AK1: variants seen among roughly 807,000 people sequenced by gnomAD.
AK1 encodes the protein adenylate kinase 1.
AK1 carries 13 observed loss-of-function variants against 23.9 expected under a neutral mutation model. That is an observed-to-expected ratio of 0.54 (90% confidence interval 0.35 to 0.86). The LOEUF is 0.86. AK1 is among the 40% of genes least tolerant of loss of function. AK1 has a pLI of 0.01. For synonymous variants in AK1, 97 were observed against 102.8 expected, an observed-to-expected ratio of 0.94 and a Z score of 0.34; for missense variants, 214 against 255.1, an observed-to-expected ratio of 0.84 and a Z score of 1.10.
chr9:127,874,182 C>G, intron 2 of AK1: 4 of 985,348 alleles, frequency 4.1e-6, no homozygotes, highest in Non-Finnish European at 4.8e-6. Context: ...GCCCGTGTCT[C>G]CCTCTAAGTC....
intron 2 of AK1, 91 bp from the exon 3 acceptor site, chr9:127,873,152 A>T: frequency 6.4e-7 from 1 of 1,561,512 alleles, no homozygotes. Flanking sequence ...GCTGGGCCCC[A>T]GGCGGAGGGA....
intron 5 of AK1, chr9:127,869,504 G>C (rs1030960759): frequency 6.6e-6 from 1 of 152,346 alleles, no homozygotes; most frequent in African/African-American, 2.4e-5. Flanking sequence ...CCTGACCTCC[G>C]GCGTCAGACT....
rs200084584 is a variant in AK1 at position 127,872,344 on chromosome 9, G to GA, written c.207+345_207+346insT. ...GTGGGGCTTCTGGAGTAGAAAATTGGGGGGGGAGGTCTTAGGCCAAATCTG... is the reference window on the plus strand; with the variant it reads ...GTGGGGCTTCTGGAGTAGAAAATTGGAGGGGGGAGGTCTTAGGCCAAATCTG... On this transcript the variant is annotated intron_variant, in intron 4 of 6. Transcript: ENST00000644144. Among the ~76,000 whole-genome samples, 1,077 of 152,190 alleles carry GA rather than the reference G, an allele frequency of 7.1e-3. 14 individuals are homozygous for GA. Among genetic ancestry groups the GA allele is most frequent in the African/African-American group, 0.025 (1,041 of 41,504 alleles).
chr9:127,873,918 G>C (rs552598497), intron 2 of AK1: 1 of 985,422 alleles, frequency 1.0e-6, no homozygotes, highest in African/African-American at 1.7e-5. Context: ...GGCTCCCAGG[G>C]GCCCTCCCAG....
rs959016141 is a variant in AK1, at chr9:127,873,462, C to T, written c.8-401G>A. On this transcript the variant is annotated intron_variant, in intron 2 of 6. Coordinates refer to ENST00000644144, the MANE Select transcript of AK1 (RefSeq NM_000476.3). The stretch of plus-strand genomic sequence containing the variant: ...GCAGCAGCCCATGGTCCCGTCCTGC[C>T]GTGTCTCCTGTGCACCCTGCCCTTC... The T allele has an allele frequency of 8.6e-6, 13 of 1,509,864 alleles. No individual in the cohort carries two copies. In the Admixed American group the frequency reaches 9.1e-5, roughly 11 times the overall value. The allele number at this position is 1,509,864 out of a possible 1,614,324, so 93.5% of individuals were successfully genotyped here. A position where few individuals can be genotyped will look rare whatever the true frequency, so the allele number is the denominator to read the frequency against.
At chr9:127,873,796 G>A (rs943378916) in intron 2 of AK1, 5 of 985,424 alleles carry the variant, frequency 5.1e-6, no homozygotes, top group Non-Finnish European at 6.0e-6. Flanking sequence ...AGGCTCCCCC[G>A]CTTCCCAGGG....
upstream of AK1, chr9:127,879,394 G>A (rs1829599484): frequency 6.6e-6 from 1 of 151,960 alleles, no homozygotes; most frequent in South Asian, 2.1e-4. Flanking sequence ...GGAGCCTGAG[G>A]CGGGTAGATC....
In AK1 at chr9:127,873,523, C is replaced by T. The variant is rs574789065; in HGVS notation, c.8-462G>A. ...CCCTGGGCCGGCCCATCACCCGCCT[C>T]CCCCGGCAGTGGGGGCTTAGCAACC... On this transcript the variant is annotated intron_variant, in intron 2 of 6. Transcript: ENST00000644144. 45 of 1,442,628 alleles carry T rather than the reference C, an allele frequency of 3.1e-5. No homozygotes were observed. In the East Asian group the frequency reaches 1.1e-3, roughly 35 times the overall value. The allele number at this position is 1,442,628 out of a possible 1,614,324, so 89.4% of individuals were successfully genotyped here. A position where few individuals can be genotyped will look rare whatever the true frequency, so the allele number is the denominator to read the frequency against.
At chr9:127,870,515 AT>A (rs140492623) in intron 5 of AK1, among the ~76,000 whole-genome samples, 3,268 of 151,826 alleles carry the variant, frequency 0.022, 123 homozygotes, top group African/African-American at 0.073. Context: ...CATTAACTCT[AT>A]TTTCTAGATG....
At position 127,871,484 on chromosome 9, in the gene AK1, G is replaced by C. The variant is rs527306893; in HGVS notation, c.324+339C>G. Among the ~76,000 whole-genome samples the C allele has an allele frequency of 6.6e-6, 1 of 151,470 alleles. No homozygotes were observed. Among genetic ancestry groups the C allele is most frequent in the Non-Finnish European group, 1.5e-5 (1 of 68,028 alleles). On this transcript the variant is annotated intron_variant, in intron 5 of 6. Coordinates refer to ENST00000644144, the MANE Select transcript of AK1 (RefSeq NM_000476.3). The surrounding 1 kb of genome is among the most constrained non-coding windows in gnomAD (Gnocchi z 4.4). The stretch of plus-strand genomic sequence containing the variant: ...GCACATCCTCTCCAGTCCCCACACT[G>C]TCCCTTAAGGCAGCTGTGACCTGGT...
intron 1 of AK1, among the ~76,000 whole-genome samples, chr9:127,876,948 C>T (rs1829553869): frequency 6.6e-6 from 1 of 152,248 alleles, no homozygotes; most frequent in Admixed American, 6.5e-5. Flanking sequence ...CCAGGTCTCC[C>T]AGCTTCTGAC....
chr9:127,869,423 C>T (rs3780662), intron 5 of AK1: 5,703 of 153,072 alleles, frequency 0.037, 282 homozygotes, highest in African/African-American at 0.11. Context: ...CAGGCTGTTT[C>T]GTGCCTCTGT....
intron 1 of AK1, among the ~76,000 whole-genome samples, chr9:127,876,615 A>G (rs1230872866): frequency 6.6e-6 from 1 of 152,176 alleles, no homozygotes; most frequent in Non-Finnish European, 1.5e-5. Context: ...GTCCTGGGCC[A>G]GGGACAACCA....
At chr9:127,874,232 G>A (rs956692884) in intron 2 of AK1, 15 of 985,268 alleles carry the variant, frequency 1.5e-5, no homozygotes, top group African/African-American at 3.5e-5. Flanking sequence ...ACTTCCTCAA[G>A]GCCCACCCTC....
chr9:127,867,954 G>A lies in AK1; in HGVS notation c.*54C>T, dbSNP rs4226. 4.4e-6 allele frequency: 7 copies of A among 1,579,950 alleles called. No homozygotes were observed. Among genetic ancestry groups the A allele is most frequent in the African/African-American group, 1.3e-5 (1 of 74,126 alleles). ...GCTGCGCTCAGGCCAGGAGGACCTC[G>A]AATCAGGACGGGGTGGGGCGGGGCT... On this transcript the variant is annotated 3_prime_UTR_variant, in exon 7 of 7. Coordinates refer to ENST00000644144, the MANE Select transcript of AK1 (RefSeq NM_000476.3).
At position 127,868,962 on chromosome 9, in the gene AK1, A is replaced by G. The variant is rs1169418979; in HGVS notation, c.325-450T>C. Among the ~76,000 whole-genome samples, 1 of 152,150 alleles carries G rather than the reference A, an allele frequency of 6.6e-6. No individual in the cohort carries two copies. Among genetic ancestry groups the G allele is most frequent in the African/African-American group, 2.4e-5 (1 of 41,428 alleles). On this transcript the variant is annotated intron_variant, in intron 5 of 6. Coordinates refer to ENST00000644144, the MANE Select transcript of AK1 (RefSeq NM_000476.3). The surrounding 1 kb of genome is among the most constrained non-coding windows in gnomAD (Gnocchi z 4.1). ...CCCCCCAGTACTCCCCGCCTCCTGG[A>G]ACAGGCTCTTCCAGCGCCTTTATCT...
At chr9:127,877,702 A>G (rs1019873842), upstream of AK1, 9 of 152,420 alleles carry the variant, frequency 5.9e-5, no homozygotes, top group African/African-American at 1.9e-4. This position sits in a 1 kb window ranked among gnomAD's most constrained non-coding sequence, Gnocchi z 5.2. Flanking sequence ...GCGACTATTT[A>G]TAAGGCTGTC....
Position 127,867,718 on chromosome 9 carries a change from T to G in AK1, c.*290A>C. On this transcript the variant is annotated 3_prime_UTR_variant, in exon 7 of 7. Transcript: ENST00000644144. ...CCTCCCACCAGAGCTAGAGGAGGGG[T>G]GGCTGGCAAAGGGAGGCTGAGGAGG... 3 of 403,322 alleles carry G rather than the reference T, an allele frequency of 7.4e-6. No homozygotes were observed. Among genetic ancestry groups the G allele is most frequent in the Non-Finnish European group, 9.3e-6 (2 of 215,338 alleles). 25.0% of individuals were successfully genotyped at this position (403,322 alleles called of 1,614,324 possible). A position where few individuals can be genotyped will look rare whatever the true frequency, so the allele number is the denominator to read the frequency against.
Position 127,868,310 on chromosome 9 carries a change from G to A in AK1, c.516+11C>T, listed in dbSNP as rs115263629. The A allele has an allele frequency of 3.1e-4, 482 of 1,566,542 alleles. 1 individual carries two copies. In the African/African-American group the frequency reaches 5.3e-3, roughly 17 times the overall value. ...TCTTCCCGGAGCTGCCCCTGGGCCC[G>A]CGGGGCCCACCTTGCGCACAATGCC... On this transcript the variant is annotated intron_variant, in intron 6 of 6. Transcript: ENST00000644144. The surrounding 1 kb of genome is among the most constrained non-coding windows in gnomAD (Gnocchi z 4.1).
Sources: gnomAD v4.1 joint callset for allele counts (sites outside exome capture counted in the v4.1 genomes callset) on GRCh38, gnomAD v4.1.1 for gene constraint, Gnocchi (gnomAD v3.1) non-coding constraint, MANE v1.5 for transcripts, NCBI Gene and HGNC (gene_info 2026-07-23, HGNC 2026-07-21) for gene names.